Variants in KIF16B observed in about 807,000 individuals in gnomAD.
The protein encoded by KIF16B is kinesin-like protein KIF16B.
KIF16B carries 98 observed loss-of-function variants against 156.3 expected under a neutral mutation model. The ratio of observed to expected loss-of-function variants is 0.63; its 90% CI spans 0.53 to 0.74. The LOEUF is 0.74. Among genes scored for constraint, KIF16B ranks in the 30% least tolerant of loss-of-function variants. The pLI is 0.00. For synonymous variants in KIF16B, 564 were observed against 583.7 expected, an observed-to-expected ratio of 0.97 and a Z score of 0.49; for missense variants, 1,421 against 1,606.5, an observed-to-expected ratio of 0.88 and a Z score of 1.97.
At chr20:16,282,509 G>A (rs187366932) in intron 25 of KIF16B, among the ~76,000 whole-genome samples, 1 of 152,134 alleles carries the variant, frequency 6.6e-6, no homozygotes. Flanking sequence ...CTAGTCCTGG[G>A]AATTGGTTAC....
chr20:16,287,097 T>A (rs977856623), intron 25 of KIF16B, among the ~76,000 whole-genome samples: 6 of 152,204 alleles, frequency 3.9e-5, no homozygotes, highest in Non-Finnish European at 8.8e-5. Context: ...GTGCCAAGTT[T>A]TAGGGCAGTT....
At chr20:16,475,610 A>G (rs2067788047) in intron 12 of KIF16B, among the ~76,000 whole-genome samples, 1 of 152,254 alleles carries the variant, frequency 6.6e-6, no homozygotes, top group Admixed American at 6.5e-5. Flanking sequence ...TACCAAATGT[A>G]CAACGAAGGA....
chr20:16,411,724 T>C (rs991781801), intron 15 of KIF16B, among the ~76,000 whole-genome samples: 1 of 151,998 alleles, frequency 6.6e-6, no homozygotes, highest in Non-Finnish European at 1.5e-5. Context: ...AATCTGGACA[T>C]GTGCCGAAAA....
At chr20:16,381,278 A>G (rs1226655329) in intron 18 of KIF16B, among the ~76,000 whole-genome samples, 1 of 152,176 alleles carries the variant, frequency 6.6e-6, no homozygotes, top group Non-Finnish European at 1.5e-5. Flanking sequence ...TGGCCAAACA[A>G]TATCAGGAAA....
intron 17 of KIF16B, among the ~76,000 whole-genome samples, chr20:16,394,476 G>A (rs142796447): frequency 1.6e-3 from 246 of 152,272 alleles, no homozygotes; most frequent in African/African-American, 5.6e-3. Flanking sequence ...AGCTATTTAA[G>A]GCAATCTATA....
At chr20:16,277,461 A>T (rs184465541) in intron 25 of KIF16B, among the ~76,000 whole-genome samples, 77 of 99,914 alleles carry the variant, frequency 7.7e-4, no homozygotes, top group African/African-American at 2.8e-3. Context: ...TGTACATATT[A>T]TATATATATA....
intron 1 of KIF16B, among the ~76,000 whole-genome samples, chr20:16,544,607 CAAAAA>C (rs11472848): frequency 1.5e-5 from 1 of 64,646 alleles, no homozygotes; most frequent in East Asian, 6.0e-4. Context: ...AAAGCCATCT[CAAAAA>C]AAAAAAAAAA....
chr20:16,322,191 G>C (rs1358578296), intron 24 of KIF16B, among the ~76,000 whole-genome samples: 3 of 151,838 alleles, frequency 2.0e-5, no homozygotes, highest in Non-Finnish European at 4.4e-5. Context: ...AACCAAAAAA[G>C]AGCCCACACA....
At chr20:16,415,223 A>T (rs2066057913) in intron 15 of KIF16B, among the ~76,000 whole-genome samples, 1 of 152,174 alleles carries the variant, frequency 6.6e-6, no homozygotes, top group Non-Finnish European at 1.5e-5. Flanking sequence ...AAAGCATTAC[A>T]CAATTGGTCA....
At chr20:16,298,503 A>T (rs145913633) in intron 25 of KIF16B, among the ~76,000 whole-genome samples, 2 of 152,314 alleles carry the variant, frequency 1.3e-5, no homozygotes, top group African/African-American at 2.4e-5. Flanking sequence ...TTATTTGTGT[A>T]GAGGTGTTTA....
chr20:16,472,829 G>A (rs1185079842), intron 12 of KIF16B, among the ~76,000 whole-genome samples: 1 of 152,124 alleles, frequency 6.6e-6, no homozygotes, highest in Non-Finnish European at 1.5e-5. Context: ...CCTTCTCTAA[G>A]TATTGAGAAA....
intron 12 of KIF16B, among the ~76,000 whole-genome samples, chr20:16,475,237 A>G (rs1458127066): frequency 1.3e-5 from 2 of 152,358 alleles, no homozygotes; most frequent in East Asian, 1.9e-4. Flanking sequence ...TGTGCCAGGC[A>G]CTGCTTTCAA....
chr20:16,367,489 T>G, intron 22 of KIF16B: 2 of 1,612,882 alleles, frequency 1.2e-6, no homozygotes, highest in Non-Finnish European at 8.5e-7. Flanking sequence ...AACACAGTCT[T>G]CCTTCACCAG....
chr20:16,289,277 CTT>C (rs1354201338), intron 25 of KIF16B, among the ~76,000 whole-genome samples: 1 of 152,102 alleles, frequency 6.6e-6, no homozygotes, highest in Non-Finnish European at 1.5e-5. Context: ...GTTGAAAAAT[CTT>C]AAGTAGAACC....
chr20:16,303,474 A>C lies in KIF16B; in HGVS notation c.3795+8861T>G, dbSNP rs915286879. ...AGAATAATGATGCTCAGAGGGGTTA[A>C]ATAACTTGCCCAGTGGCATTTTGCA... is the stretch of plus-strand genomic sequence containing the variant. On this transcript the variant is annotated intron_variant, in intron 25 of 25. Transcript: ENST00000354981. Among the ~76,000 whole-genome samples, 3 of 152,256 alleles carry C rather than the reference A, an allele frequency of 2.0e-5. No individual in the cohort carries two copies. In the East Asian group the frequency reaches 5.8e-4, roughly 29 times the overall value.
chr20:16,372,712 T>G (rs919150145), intron 20 of KIF16B, among the ~76,000 whole-genome samples: 1 of 152,220 alleles, frequency 6.6e-6, no homozygotes, highest in Admixed American at 6.5e-5. Flanking sequence ...TATTATTATT[T>G]TTGAGACAGA....
intron 3 of KIF16B, among the ~76,000 whole-genome samples, chr20:16,519,875 A>T (rs541706729): frequency 6.6e-5 from 10 of 152,300 alleles, no homozygotes; most frequent in African/African-American, 2.2e-4. Flanking sequence ...GAGGGTGAGC[A>T]GATGCAGGGT....
intron 15 of KIF16B, among the ~76,000 whole-genome samples, chr20:16,407,585 CAG>C (rs1329365501): frequency 6.6e-6 from 1 of 152,062 alleles, no homozygotes; most frequent in Non-Finnish European, 1.5e-5. Flanking sequence ...TGGGTAATTG[CAG>C]AGAGAGTCTA....
rs2064890333 is a variant in KIF16B at position 16,374,258 on chromosome 20, T to C, written c.3349A>G (p.Arg1117Gly). ...KSHLVPLMDA[R>G]INAYIEEEVQ... Reference sequence around the variant, plus strand: ...TGGAATCACTTTCATGTCCAGTACCTGGCATCCATGAGGGGAACCAGGTGT... The same window carrying C: ...TGGAATCACTTTCATGTCCAGTACCCGGCATCCATGAGGGGAACCAGGTGT... Residue 1117 changes from arginine to glycine, a missense_variant and splice_region_variant, in exon 20 of 26, where the codon AGG (arginine) becomes GGG (glycine). Coordinates refer to ENST00000354981, the MANE Select transcript of KIF16B (RefSeq NM_024704.5). 2.6e-6 allele frequency: 4 copies of C among 1,566,278 alleles called. No individual in the cohort carries two copies. The highest frequency in any genetic ancestry group is 1.2e-5 in the South Asian group (1 of 82,698).
Sources: gnomAD v4.1 joint callset for allele counts (sites outside exome capture counted in the v4.1 genomes callset) on GRCh38, gnomAD v4.1.1 for gene constraint, MANE v1.5 for transcripts, NCBI Gene and HGNC (gene_info 2026-07-23, HGNC 2026-07-21) for gene names.